Variants in COL19A1 observed in about 807,000 individuals in gnomAD.
COL19A1 encodes the protein collagen alpha-1(XIX) chain.
A neutral mutation model predicts 190.2 loss-of-function variants in COL19A1; 159 were observed. That is an observed-to-expected ratio of 0.84 (90% CI 0.73 to 0.95). COL19A1 has a LOEUF of 0.95. COL19A1 is among the 40% of genes least tolerant of loss of function. The pLI is 0.00. For synonymous variants in COL19A1, 509 were observed against 458.9 expected (o/e 1.11, Z -1.39); for missense variants, 1,418 against 1,431.9 (o/e 0.99, Z 0.16).
chr6:70,077,698 T>A (rs1420859106), intron 15 of COL19A1, among the ~76,000 whole-genome samples: 2 of 152,222 alleles, frequency 1.3e-5, no homozygotes, highest in African/African-American at 4.8e-5. Context: ...TTGTTTGTAT[T>A]TCTTATGTGA....
At chr6:70,044,634 G>A (rs186516634) in intron 14 of COL19A1, among the ~76,000 whole-genome samples, 1 of 152,218 alleles carries the variant, frequency 6.6e-6, no homozygotes, top group Non-Finnish European at 1.5e-5. Flanking sequence ...TAGAGGGAGA[G>A]AGACAGAGAA....
intron 11 of COL19A1, among the ~76,000 whole-genome samples, chr6:69,990,698 G>A (rs1776569818): frequency 6.6e-6 from 1 of 151,970 alleles, no homozygotes. Context: ...ATCAGTTTAG[G>A]TGTGATGTTT....
At chr6:70,108,066 G>T (rs1242142058) in intron 16 of COL19A1, among the ~76,000 whole-genome samples, 1 of 152,158 alleles carries the variant, frequency 6.6e-6, no homozygotes, top group Non-Finnish European at 1.5e-5. Context: ...CTGGTTTTCA[G>T]TTCCTTTAGA....
At chr6:70,184,560 A>T in intron 44 of COL19A1, 143 bp from the exon 45 acceptor site, 1 of 669,906 alleles carries the variant, frequency 1.5e-6, no homozygotes, top group East Asian at 2.6e-5. Context: ...GATTCTATTT[A>T]TTTGTTTTCC....
chr6:70,139,542 A>G (rs1215820389), intron 19 of COL19A1, among the ~76,000 whole-genome samples: 4 of 151,950 alleles, frequency 2.6e-5, no homozygotes, highest in African/African-American at 9.7e-5. Flanking sequence ...AAACAACGCA[A>G]ATTTTACATT....
chr6:70,041,258 A>T (rs1400435585), intron 14 of COL19A1, among the ~76,000 whole-genome samples: 1 of 152,256 alleles, frequency 6.6e-6, no homozygotes, highest in Non-Finnish European at 1.5e-5. Context: ...TTCACTAATT[A>T]GTTTGGTACT....
chr6:70,189,781 G>T (rs932099185), intron 47 of COL19A1, among the ~76,000 whole-genome samples: 2 of 152,122 alleles, frequency 1.3e-5, no homozygotes, highest in Middle Eastern at 3.2e-3. Context: ...GTAAATTACA[G>T]AATAAACTTT....
intron 4 of COL19A1, among the ~76,000 whole-genome samples, chr6:69,919,037 C>G (rs553080780): frequency 1.3e-5 from 2 of 152,268 alleles, no homozygotes; most frequent in South Asian, 4.1e-4. Context: ...ATCTCACATC[C>G]CCTCCTTTTT....
intron 14 of COL19A1, among the ~76,000 whole-genome samples, chr6:70,058,349 T>TA (rs1412966147): frequency 6.6e-6 from 1 of 152,050 alleles, no homozygotes; most frequent in Non-Finnish European, 1.5e-5. Flanking sequence ...GAAGGCAGGA[T>TA]AAAATTGTTC....
At chr6:69,969,461 T>C (rs770141156) in intron 11 of COL19A1, among the ~76,000 whole-genome samples, 14 of 152,180 alleles carry the variant, frequency 9.2e-5, no homozygotes, top group Non-Finnish European at 1.9e-4. Context: ...AATTCGCCTG[T>C]GTTATCGGCA....
At chr6:70,140,826 C>G in intron 19 of COL19A1, 128 bp from the exon 20 acceptor site, 2 of 797,842 alleles carry the variant, frequency 2.5e-6, no homozygotes, top group Admixed American at 2.1e-5. Flanking sequence ...CTGTGTGACA[C>G]TCTGGGTATT....
rs537497028 is a variant in COL19A1 at position 70,021,898 on chromosome 6, A to T, written c.1027-1729A>T. Among the ~76,000 whole-genome samples, 286 of 152,242 alleles carry T rather than the reference A, an allele frequency of 1.9e-3. 1 individual carries two copies. Among genetic ancestry groups the T allele is most frequent in the Non-Finnish European group, 3.0e-3 (202 of 67,990 alleles). ...CCTTACCCTTCCATTTTTAGCTTAA[A>T]ATCCTCAGCTTTATTTTAACTTAAA... On this transcript the variant is annotated intron_variant, in intron 11 of 50. Transcript: ENST00000620364.
intron 41 of COL19A1, among the ~76,000 whole-genome samples, chr6:70,174,127 G>A (rs1340806863): frequency 6.6e-6 from 1 of 152,180 alleles, no homozygotes; most frequent in Non-Finnish European, 1.5e-5. Context: ...TAAAGAGGAA[G>A]CAAGGCCATT....
chr6:70,161,613 A>G (rs73746884), intron 34 of COL19A1, among the ~76,000 whole-genome samples: 68 of 152,244 alleles, frequency 4.5e-4, no homozygotes, highest in African/African-American at 1.6e-3. Flanking sequence ...AAAACTACCT[A>G]TTGGGTACAG....
intron 49 of COL19A1, among the ~76,000 whole-genome samples, chr6:70,204,162 A>C (rs954517681): frequency 1.3e-5 from 2 of 152,098 alleles, no homozygotes; most frequent in African/African-American, 4.8e-5. Context: ...TGCCTTGCCC[A>C]TCCTGTAGAC....
intron 31 of COL19A1, among the ~76,000 whole-genome samples, chr6:70,152,216 GACGTTGTGTATGTGT>G (rs1041738072): frequency 2.6e-5 from 4 of 151,986 alleles, no homozygotes; most frequent in African/African-American, 9.6e-5. Context: ...TGTATGAATG[GACGTTGTGTATGTGT>G]ACACACACAC....
intron 49 of COL19A1, among the ~76,000 whole-genome samples, chr6:70,200,161 A>G (rs1767463411): frequency 6.6e-6 from 1 of 152,192 alleles, no homozygotes; most frequent in Non-Finnish European, 1.5e-5. Flanking sequence ...ACTCAACGAC[A>G]AATAGTTATT....
chr6:70,055,581 G>A (rs546433777), intron 14 of COL19A1, among the ~76,000 whole-genome samples: 5 of 151,852 alleles, frequency 3.3e-5, no homozygotes, highest in Non-Finnish European at 7.4e-5. Flanking sequence ...CAGGAGTTCA[G>A]GACCAACCTG....
intron 25 of COL19A1, among the ~76,000 whole-genome samples, chr6:70,145,877 A>C (rs552532118): frequency 1.0e-3 from 154 of 151,748 alleles, no homozygotes; most frequent in African/African-American, 3.5e-3. Context: ...CACACCACCA[A>C]GCCTGGCTGA....
Sources: gnomAD v4.1 joint callset for allele counts (sites outside exome capture counted in the v4.1 genomes callset) on GRCh38, gnomAD v4.1.1 for gene constraint, MANE v1.5 for transcripts, NCBI Gene and HGNC (gene_info 2026-07-23, HGNC 2026-07-21) for gene names.